FAT4: variants seen among roughly 807,000 people sequenced by gnomAD.
FAT4 encodes the protein FAT atypical cadherin 4, also known as protocadherin Fat 4.
FAT4 carries 84 observed loss-of-function variants against 303.9 expected under a neutral mutation model. The ratio of observed to expected loss-of-function variants is 0.28; its 90% CI spans 0.23 to 0.33. FAT4 has a LOEUF of 0.33. Ranked by LOEUF, FAT4 falls within the 10% of genes least tolerant of loss-of-function variation. The probability of loss-of-function intolerance (pLI) is 1.00; values close to 1 mark genes in which losing one functional copy is unlikely to be tolerated. For synonymous variants in FAT4, 2,307 were observed against 2,298.8 expected, an observed-to-expected ratio of 1.00 and a Z score of -0.10; for missense variants, 6,005 against 6,146.8, an observed-to-expected ratio of 0.98 and a Z score of 0.77.
At chr4:125,416,399 G>T in intron 6 of FAT4, 49 bp from the exon 7 acceptor site, 4 of 1,458,274 alleles carry the variant, frequency 2.7e-6, no homozygotes, top group South Asian at 1.4e-5. Context: ...TTTATTTCAT[G>T]AGATGCATTG....
intron 2 of FAT4, among the ~76,000 whole-genome samples, chr4:125,363,582 G>A (rs531495635): frequency 1.3e-5 from 2 of 150,956 alleles, no homozygotes; most frequent in Non-Finnish European, 3.0e-5. Flanking sequence ...TAAAACCTCC[G>A]CCTCCTGGGT....
intron 9 of FAT4, 62 bp from the exon 10 acceptor site, chr4:125,448,399 C>G (rs115240175): frequency 1.4e-6 from 2 of 1,458,496 alleles, no homozygotes; most frequent in African/African-American, 1.4e-5. Context: ...ATGCACTTAT[C>G]TGCTACCAAA....
rs201264765 is a variant in FAT4, at chr4:125,320,053, T to G, written c.3642T>G (p.Phe1214Leu). The G allele has an allele frequency of 6.1e-5, 98 of 1,613,826 alleles. 1 individual carries two copies. The African/African-American group carries it at 1.2e-3, about 20-fold the overall frequency. ...NDNAPKFLKD[F>L]YQATISESAA... ...ATGCTCCCAAATTTTTAAAAGACTT[T>G]TACCAAGCTACAATATCAGAATCAG... Residue 1214 changes from phenylalanine to leucine, a missense_variant, in exon 2 of 18, where the codon TTT (phenylalanine) becomes TTG (leucine). Phe to Leu is a conservative substitution (Grantham distance 22). Coordinates refer to ENST00000394329, the MANE Select transcript of FAT4 (RefSeq NM_001291303.3).
At chr4:125,372,427 A>G (rs1419694738) in intron 2 of FAT4, among the ~76,000 whole-genome samples, 1 of 152,146 alleles carries the variant, frequency 6.6e-6, no homozygotes, top group Non-Finnish European at 1.5e-5. Flanking sequence ...TAATAACAAA[A>G]AAAATAGTGA....
rs1177805020 is a variant in FAT4 at position 125,408,250 on chromosome 4, T to C, written c.5570-194T>C. On this transcript the variant is annotated intron_variant, in intron 4 of 17. Transcript: ENST00000394329. ...CCTGAGGTCCACTGGATATCTGATA[T>C]GTCACATACTGTATTCAAATAGGGA... 2.0e-5 allele frequency among the ~76,000 whole-genome samples: 3 copies of C among 152,176 alleles called. No individual in the cohort carries two copies. The East Asian group carries it at 5.8e-4, about 29-fold the overall frequency.
intron 2 of FAT4, among the ~76,000 whole-genome samples, chr4:125,365,429 CT>C (rs1210930423): frequency 1.3e-5 from 2 of 152,272 alleles, no homozygotes; most frequent in Middle Eastern, 6.8e-3. Flanking sequence ...TCCTCTTTCT[CT>C]TTTTTTCTTG....
chr4:125,434,200 T>C, intron 7 of FAT4, 45 bp from the exon 8 acceptor site: 1 of 1,564,598 alleles, frequency 6.4e-7, no homozygotes, highest in Non-Finnish European at 8.7e-7. Context: ...AAATTTGTTA[T>C]TTTTTGTTTA....
intron 8 of FAT4, among the ~76,000 whole-genome samples, chr4:125,440,999 A>T (rs72914972): frequency 7.6e-4 from 115 of 152,232 alleles, no homozygotes; most frequent in African/African-American, 2.6e-3. Context: ...TTCTGCCAAG[A>T]TCCTAGTTCA....
chr4:125,329,146 C>T (rs1471657792), intron 2 of FAT4, among the ~76,000 whole-genome samples: 1 of 152,130 alleles, frequency 6.6e-6, no homozygotes, highest in Non-Finnish European at 1.5e-5. Context: ...TATTTCCATT[C>T]TTTCAGTTGC....
Position 125,315,588 on chromosome 4 carries a change from G to A in FAT4, c.-402G>A, listed in dbSNP as rs77585116. 1.3e-5 allele frequency among the ~76,000 whole-genome samples: 2 copies of A among 152,180 alleles called. No homozygotes were observed. Among genetic ancestry groups the A allele is most frequent in the African/African-American group, 2.4e-5 (1 of 41,448 alleles). On this transcript the variant is annotated 5_prime_UTR_variant, in exon 1 of 18. The change creates a new upstream start codon in the 5' untranslated region. Coordinates refer to ENST00000394329, the MANE Select transcript of FAT4 (RefSeq NM_001291303.3). ...TGGGTCGGCAGGCGCCCCGGCAGAG[G>A]TGAAAAATGCCGAGGAGCCCTGGCT...
intron 16 of FAT4, 120 bp downstream of exon 16, chr4:125,481,858 C>A: frequency 2.5e-6 from 2 of 785,394 alleles, no homozygotes; most frequent in Non-Finnish European, 4.1e-6. Context: ...CCGACTAATG[C>A]TGGGCACTAT....
intron 2 of FAT4, among the ~76,000 whole-genome samples, chr4:125,368,648 A>G (rs1732982413): frequency 6.6e-6 from 1 of 151,174 alleles, no homozygotes; most frequent in African/African-American, 2.4e-5. Context: ...AAGTATGATT[A>G]AAAAAAATAC....
chr4:125,486,360 A>C (rs1490711193), intron 16 of FAT4, among the ~76,000 whole-genome samples: 1 of 152,074 alleles, frequency 6.6e-6, no homozygotes, highest in African/African-American at 2.4e-5. Context: ...AATGTGTTAG[A>C]CATCTTTTCG....
chr4:125,438,097 C>A (rs1421820168), intron 8 of FAT4, among the ~76,000 whole-genome samples: 1 of 152,130 alleles, frequency 6.6e-6, no homozygotes, highest in Non-Finnish European at 1.5e-5. Context: ...TCTAATAATT[C>A]TTTATCTGCC....
intron 10 of FAT4, among the ~76,000 whole-genome samples, chr4:125,457,108 C>T (rs1578667811): frequency 6.9e-6 from 1 of 145,290 alleles, no homozygotes; most frequent in Non-Finnish European, 1.5e-5. Flanking sequence ...ACTACCCATA[C>T]CCAGTTTCTC....
chr4:125,352,797 C>T (rs1385256439), intron 2 of FAT4, among the ~76,000 whole-genome samples: 3 of 151,722 alleles, frequency 2.0e-5, no homozygotes, highest in Non-Finnish European at 4.4e-5. Context: ...TCTTCTGCTT[C>T]TTCAGCATAT....
intron 4 of FAT4, 123 bp from the exon 5 acceptor site, chr4:125,408,320 TC>T (rs1461503935): frequency 1.7e-6 from 1 of 588,988 alleles, no homozygotes; most frequent in African/African-American, 1.9e-5. Flanking sequence ...CACTGTATTT[TC>T]ATAGCGGTTT....
In FAT4 at chr4:125,449,031, A is replaced by C. The variant is rs138655269; in HGVS notation, c.8021A>C (p.Asp2674Ala). ...GATAATGCCCCAATTTTTAAGGAAG[A>C]CCCATTTATATCTGAAATATTGGAA... is the stretch of plus-strand genomic sequence containing the variant. The part of the protein sequence containing the change: ...VNDNAPIFKE[D>A]PFISEILENL... The change falls in exon 10 of 18, where the codon GAC becomes GCC. Residue 2674 changes from aspartate to alanine, a missense_variant. Coordinates refer to ENST00000394329, the MANE Select transcript of FAT4 (RefSeq NM_001291303.3). 2 of 1,613,684 alleles carry C rather than the reference A, an allele frequency of 1.2e-6. No individual in the cohort carries two copies. The highest frequency in any genetic ancestry group is 1.7e-6 in the Non-Finnish European group (2 of 1,179,844).
intron 2 of FAT4, among the ~76,000 whole-genome samples, chr4:125,343,148 G>C (rs1172521800): frequency 1.3e-5 from 2 of 151,934 alleles, no homozygotes; most frequent in East Asian, 3.9e-4. Context: ...TTTTTATAAG[G>C]CCTCAATTTT....
Sources: allele counts gnomAD v4.1 joint callset (sites outside exome capture counted in the v4.1 genomes callset), GRCh38; gene constraint gnomAD v4.1.1; transcripts MANE v1.5; gene names NCBI Gene and HGNC (gene_info 2026-07-23, HGNC 2026-07-21).